LYST: variants seen among roughly 807,000 people sequenced by gnomAD.
LYST encodes the protein lysosomal trafficking regulator, also known as lysosomal-trafficking regulator.
LYST carries 192 observed loss-of-function variants against 413.6 expected under a neutral mutation model. The ratio of observed to expected loss-of-function variants is 0.46; its 90% confidence interval spans 0.41 to 0.52. The LOEUF is 0.52. Ranked by LOEUF, LYST falls within the 20% of genes least tolerant of loss-of-function variation. The probability of loss-of-function intolerance (pLI) is 0.00; values close to 1 mark genes in which losing one functional copy is unlikely to be tolerated. For synonymous variants in LYST, 1,525 were observed against 1,567.3 expected (o/e 0.97, Z 0.64); for missense variants, 3,815 against 4,499.9 (o/e 0.85, Z 4.35).
At chr1:235,713,890 C>T (rs1244900745) in intron 42 of LYST, among the ~76,000 whole-genome samples, 2 of 152,012 alleles carry the variant, frequency 1.3e-5, no homozygotes, top group Non-Finnish European at 2.9e-5. Context: ...ATGAAGAAAA[C>T]ATAATATATG....
chr1:235,812,935 A>G (rs1673614734), intron 4 of LYST, 36 bp downstream of exon 4: 1 of 1,320,566 alleles, frequency 7.6e-7, no homozygotes, highest in Non-Finnish European at 1.1e-6. Context: ...TGAAATTTTG[A>G]TAACACAAGT....
chr1:235,680,636 CT>C (rs1432667465), intron 48 of LYST, among the ~76,000 whole-genome samples: 1 of 150,994 alleles, frequency 6.6e-6, no homozygotes, highest in Non-Finnish European at 1.5e-5. Context: ...CTTGCTCTTG[CT>C]GCCCAGGCTG....
intron 5 of LYST, among the ~76,000 whole-genome samples, chr1:235,807,667 T>C (rs1397451201): frequency 6.6e-6 from 1 of 152,228 alleles, no homozygotes; most frequent in African/African-American, 2.4e-5. Context: ...ATGCATTAAT[T>C]TGAAAGACCA....
chr1:235,820,764 C>A (rs1001050625), intron 3 of LYST, among the ~76,000 whole-genome samples: 2 of 152,154 alleles, frequency 1.3e-5, no homozygotes, highest in Admixed American at 1.3e-4. Context: ...TGTGTATGGA[C>A]TATTTAAGTC....
At chr1:235,756,003 ATAT>A (rs1667007943) in intron 24 of LYST, among the ~76,000 whole-genome samples, 1 of 25,808 alleles carries the variant, frequency 3.9e-5, no homozygotes, top group Non-Finnish European at 8.1e-5. Context: ...CTGCAAATCT[ATAT>A]CTATATCTAT....
At chr1:235,697,049 T>C (rs765360919) in intron 46 of LYST, 34 bp downstream of exon 46, 3 of 1,585,314 alleles carry the variant, frequency 1.9e-6, no homozygotes, top group Non-Finnish European at 2.6e-6. Context: ...ACGAAAGATA[T>C]ATCCAGAATG....
intron 22 of LYST, among the ~76,000 whole-genome samples, chr1:235,760,684 A>T (rs1667497034): frequency 6.6e-6 from 1 of 152,212 alleles, no homozygotes; most frequent in Non-Finnish European, 1.5e-5. Context: ...ACAGCTCTCC[A>T]GGTGATTCTT....
At chr1:235,768,451 TGC>T (rs1044350363) in intron 20 of LYST, among the ~76,000 whole-genome samples, 34 of 152,196 alleles carry the variant, frequency 2.2e-4, no homozygotes, top group Admixed American at 3.9e-4. Context: ...CTTCCTAAAG[TGC>T]ACAAACACTC....
intron 9 of LYST, 46 bp downstream of exon 9, chr1:235,800,825 T>C: frequency 1.6e-6 from 2 of 1,286,340 alleles, no homozygotes; most frequent in Non-Finnish European, 2.2e-6. Flanking sequence ...TATTGGGTGA[T>C]GAGTCTGATA....
intron 1 of LYST, among the ~76,000 whole-genome samples, chr1:235,872,768 T>C (rs1680991625): frequency 6.6e-6 from 1 of 151,858 alleles, no homozygotes; most frequent in Non-Finnish European, 1.5e-5. Context: ...TACAAAAAAT[T>C]AGCCGGGTGT....
intron 43 of LYST, 121 bp from the exon 44 acceptor site, chr1:235,709,429 A>T (rs2103119114): frequency 2.7e-6 from 2 of 738,230 alleles, no homozygotes; most frequent in South Asian, 3.2e-5. Flanking sequence ...AAAAGGGAAT[A>T]GCAAGGAGGA....
chr1:235,737,964 C>A, intron 31 of LYST: 2 of 1,353,096 alleles, frequency 1.5e-6, no homozygotes, highest in Non-Finnish European at 1.9e-6. Flanking sequence ...GACGTGCATT[C>A]TCGATTCCTT....
At chr1:235,867,162 C>T (rs754566788), upstream of LYST, among the ~76,000 whole-genome samples, 1 of 152,196 alleles carries the variant, frequency 6.6e-6, no homozygotes, top group Non-Finnish European at 1.5e-5. Context: ...AGCCGGGGCC[C>T]GGTCTGGGTT....
At chr1:235,700,610 T>C (rs1661469560) in intron 45 of LYST, among the ~76,000 whole-genome samples, 1 of 152,184 alleles carries the variant, frequency 6.6e-6, no homozygotes, top group Non-Finnish European at 1.5e-5. Context: ...TTGCATTTTG[T>C]GTAGATGTCA....
At chr1:235,693,164 A>C (rs1213605015) in intron 47 of LYST, among the ~76,000 whole-genome samples, 186 bp downstream of exon 47, 1 of 152,008 alleles carries the variant, frequency 6.6e-6, no homozygotes, top group East Asian at 1.9e-4. Context: ...AAGAATACAA[A>C]AAGTCAGCTG....
intron 10 of LYST, among the ~76,000 whole-genome samples, chr1:235,796,778 C>G (rs1315604107): frequency 6.6e-6 from 1 of 152,188 alleles, no homozygotes; most frequent in Admixed American, 6.5e-5. Flanking sequence ...CTTTCAGTCT[C>G]CAGAACTGTG....
In LYST at chr1:235,844,426, C is replaced by T. The variant is rs181196356; in HGVS notation, c.-97-10759G>A. Among the ~76,000 whole-genome samples, 321 of 152,222 alleles carry T rather than the reference C, an allele frequency of 2.1e-3. 3 individuals are homozygous for T. Among genetic ancestry groups the T allele is most frequent in the Non-Finnish European group, 2.7e-3 (181 of 68,010 alleles). On this transcript the variant is annotated intron_variant, in intron 1 of 52. Transcript: ENST00000389793. Reference sequence around the variant, plus strand: ...TTGAGAAAAACTGAGGCCTACAGGTCCAAGGTCACAGAAATGATTAGTCAC... The same window carrying T: ...TTGAGAAAAACTGAGGCCTACAGGTTCAAGGTCACAGAAATGATTAGTCAC...
At chr1:235,732,282 T>C (rs990431243) in intron 34 of LYST, among the ~76,000 whole-genome samples, 13 of 152,190 alleles carry the variant, frequency 8.5e-5, no homozygotes, top group African/African-American at 3.1e-4. Flanking sequence ...AATGCAGAGA[T>C]GAAAACTTTT....
intron 1 of LYST, among the ~76,000 whole-genome samples, chr1:235,861,808 T>A (rs574719540): frequency 7.9e-5 from 12 of 152,314 alleles, no homozygotes; most frequent in African/African-American, 2.9e-4. Context: ...ACTGATAGAC[T>A]TTTTATCCAA....
Sources: gnomAD v4.1 joint callset for allele counts (sites outside exome capture counted in the v4.1 genomes callset) on GRCh38, gnomAD v4.1.1 for gene constraint, MANE v1.5 for transcripts, NCBI Gene and HGNC (gene_info 2026-07-23, HGNC 2026-07-21) for gene names.